The following PDE12 variants were observed in gnomAD, a reference collection of about 807,000 sequenced individuals.
PDE12 encodes the protein phosphodiesterase 12, also known as 2',5'-phosphodiesterase 12.
In PDE12, 26 loss-of-function variants were observed where a neutral mutation model predicts 45.4. The ratio of observed to expected loss-of-function variants is 0.57; its 90% CI spans 0.42 to 0.79. The LOEUF (loss-of-function observed/expected upper bound fraction) is 0.79. Ranked by LOEUF, PDE12 falls within the 30% of genes least tolerant of loss-of-function variation. PDE12 has a pLI of 0.00. For synonymous variants in PDE12, 283 were observed against 323.9 expected, an observed-to-expected ratio of 0.87 and a Z score of 1.36; for missense variants, 668 against 790.0, an observed-to-expected ratio of 0.85 and a Z score of 1.85.
In PDE12 at chr3:57,556,849, T is replaced by G. The variant is rs1331372212; in HGVS notation, c.470T>G (p.Val157Gly). The G allele has an allele frequency of 1.9e-6, 3 of 1,613,958 alleles. No individual in the cohort carries two copies. The highest frequency in any genetic ancestry group is 2.5e-6 in the Non-Finnish European group (3 of 1,180,014). Residue 157 changes from valine (V) to glycine (G), a missense_variant, in exon 1 of 3, where the codon GTG becomes GGG. By Grantham distance (109) the Val-to-Gly change is moderately radical. This residue lies in a region of PDE12 where 580 missense variants were observed against 662.9 expected (regional missense o/e 0.87). Coordinates refer to ENST00000311180, the MANE Select transcript of PDE12 (RefSeq NM_177966.7). This position sits in a 1 kb window ranked among gnomAD's most constrained non-coding sequence, Gnocchi z 5.0. The part of the protein sequence containing the change: ...VLQIGDVKYK[V>G]ERNPPAFTEL... ...CAGATCGGCGATGTTAAGTACAAGG[T>G]GGAGCGCAACCCGCCCGCCTTCACC...
chr3:57,618,607 G>GTTTTTTTTT, the PDE12 span, among the ~76,000 whole-genome samples: 72 of 79,402 alleles, frequency 9.1e-4, 8 homozygotes, highest in South Asian at 1.2e-3. Context: ...TTGCTTTTGT[G>GTTTTTTTTT]TTTTTTTTTT....
the PDE12 span, among the ~76,000 whole-genome samples, chr3:57,622,995 A>G: frequency 1.3e-5 from 2 of 152,222 alleles, no homozygotes; most frequent in Non-Finnish European, 2.9e-5. Flanking sequence ...TATGTTCACT[A>G]TCTTGGCTGT....
chr3:57,631,958 G>A, the PDE12 span, among the ~76,000 whole-genome samples: 2 of 146,860 alleles, frequency 1.4e-5, no homozygotes, highest in African/African-American at 2.5e-5. Flanking sequence ...TCCTGACCTC[G>A]TGATCCGCCC....
At chr3:57,577,025 T>G in the PDE12 span, among the ~76,000 whole-genome samples, 3 of 150,994 alleles carry the variant, frequency 2.0e-5, no homozygotes, top group African/African-American at 7.3e-5. Context: ...CAGCCAGAGA[T>G]AGGCATCAAG....
chr3:57,639,283 A>G, the PDE12 span, among the ~76,000 whole-genome samples: 3 of 152,238 alleles, frequency 2.0e-5, 1 homozygote, highest in South Asian at 6.2e-4. Flanking sequence ...CAGAGATGTT[A>G]AGAAATAGGA....
the PDE12 span, among the ~76,000 whole-genome samples, chr3:57,594,748 G>A: frequency 1.3e-5 from 2 of 152,138 alleles, no homozygotes; most frequent in African/African-American, 4.8e-5. Context: ...GAAAAACGAA[G>A]CACACTAATG....
At chr3:57,655,983 A>G in the PDE12 span, among the ~76,000 whole-genome samples, 1 of 152,238 alleles carries the variant, frequency 6.6e-6, no homozygotes, top group Non-Finnish European at 1.5e-5. Context: ...CATTCTTCTT[A>G]GTATATTTTG....
intron 1 of PDE12, 122 bp from the exon 2 acceptor site, chr3:57,559,188 T>C: frequency 3.9e-6 from 3 of 765,602 alleles, no homozygotes; most frequent in South Asian, 3.3e-5. Context: ...GCTACTGCAC[T>C]CCAGCCTGGT....
At chr3:57,630,729 C>T in the PDE12 span, 3 of 1,613,602 alleles carry the variant, frequency 1.9e-6, no homozygotes, top group Admixed American at 5.0e-5. Context: ...AAAGTCCAAT[C>T]CAATCGCCTT....
At chr3:57,602,995 C>T in the PDE12 span, among the ~76,000 whole-genome samples, 3 of 151,858 alleles carry the variant, frequency 2.0e-5, no homozygotes, top group Admixed American at 6.5e-5. Context: ...GGTGAAACCC[C>T]GTCTCTACTA....
chr3:57,655,567 G>A, the PDE12 span, among the ~76,000 whole-genome samples: 2 of 152,200 alleles, frequency 1.3e-5, no homozygotes, highest in East Asian at 1.9e-4. Flanking sequence ...ATGACCTCAA[G>A]GTAAGTCAAA....
the PDE12 span, chr3:57,597,851 A>G: frequency 6.6e-6 from 1 of 152,226 alleles, no homozygotes; most frequent in Non-Finnish European, 1.5e-5. Flanking sequence ...CGCTTGCTTT[A>G]GTTGACGCAT....
chr3:57,563,765 T>A lies in PDE12; in HGVS notation c.*3761T>A, dbSNP rs1369272212. 2 of 152,164 alleles carry A rather than the reference T, an allele frequency of 1.3e-5. No homozygotes were observed. Among genetic ancestry groups the A allele is most frequent in the African/African-American group, 4.8e-5 (2 of 41,396 alleles). The allele number at this position is 152,164 out of a possible 1,614,324, so 9.4% of individuals were successfully genotyped here. A position where few individuals can be genotyped will look rare whatever the true frequency, so the allele number is the denominator to read the frequency against. On this transcript the variant is annotated 3_prime_UTR_variant, in exon 3 of 3. Transcript: ENST00000311180. Reference sequence around the variant, plus strand: ...CAGGCATGGTGGTGCATGCCTGTAGTCCCAGCTGCTCAGGAGGCTGAGGCC... The same window carrying A: ...CAGGCATGGTGGTGCATGCCTGTAGACCCAGCTGCTCAGGAGGCTGAGGCC...
the PDE12 span, among the ~76,000 whole-genome samples, chr3:57,612,902 A>G: frequency 6.6e-6 from 1 of 152,190 alleles, no homozygotes; most frequent in Non-Finnish European, 1.5e-5. Flanking sequence ...AATTACGTTA[A>G]TGAAATGAAA....
chr3:57,619,533 G>A, the PDE12 span: 1 of 152,180 alleles, frequency 6.6e-6, no homozygotes, highest in Non-Finnish European at 1.5e-5. Flanking sequence ...TATGGTTAAG[G>A]CATTGCCACC....
At chr3:57,625,578 C>T in the PDE12 span, 1 of 152,560 alleles carries the variant, frequency 6.6e-6, no homozygotes, top group Non-Finnish European at 1.5e-5. Flanking sequence ...GCAGTGATTC[C>T]TCCTGATGCT....
At chr3:57,559,252 A>C (rs2069700223) in intron 1 of PDE12, 58 bp from the exon 2 acceptor site, 3 of 1,367,202 alleles carry the variant, frequency 2.2e-6, no homozygotes, top group African/African-American at 2.9e-5. Flanking sequence ...AACAAACAAA[A>C]ACATTCAGGA....
the PDE12 span, among the ~76,000 whole-genome samples, chr3:57,634,270 T>TA: frequency 0.37 from 56,514 of 151,662 alleles, 12,279 homozygotes; most frequent in South Asian, 0.56. Flanking sequence ...CCGTCTCTAC[T>TA]AAAAACACAG....
In PDE12 at chr3:57,559,574, G is replaced by A. The variant is rs1367303491; in HGVS notation, c.1400G>A (p.Arg467His). The stretch of plus-strand genomic sequence containing the variant: ...TTTATATTCATAGGTGGGTATATTC[G>A]CCTCATTCAAATGGCAGTAGCCTTG... ...LYWHPKGGYI[R>H]LIQMAVALAH... Residue 467 changes from arginine (R) to histidine (H), a missense_variant, in exon 3 of 3, where the codon CGC becomes CAC. Transcript: ENST00000311180. The A allele has an allele frequency of 2.5e-6, 4 of 1,605,626 alleles. No individual in the cohort carries two copies. Among genetic ancestry groups the A allele is most frequent in the Non-Finnish European group, 2.6e-6 (3 of 1,173,708 alleles).
Sources: gnomAD v4.1 joint callset for allele counts (sites outside exome capture counted in the v4.1 genomes callset) on GRCh38, gnomAD v4.1.1 for gene constraint, gnomAD v4.1.1 regional missense constraint, Gnocchi (gnomAD v3.1) non-coding constraint, MANE v1.5 for transcripts, NCBI Gene and HGNC (gene_info 2026-07-23, HGNC 2026-07-21) for gene names.